The following SLC25A48 variants were observed in gnomAD, a reference collection of about 807,000 sequenced individuals.
The protein encoded by SLC25A48 is solute carrier family 25 member 48.
A neutral mutation model predicts 32.2 loss-of-function variants in SLC25A48; 29 were observed. The observed-to-expected ratio is 0.90, with a 90% CI of 0.67 to 1.23. The LOEUF (loss-of-function observed/expected upper bound fraction) is 1.23. Among genes scored for constraint, SLC25A48 ranks in the 50% most tolerant of loss-of-function variants. The pLI, the probability that SLC25A48 is intolerant of heterozygous loss-of-function variation, is 0.00. For missense variants in SLC25A48, 399 were observed against 422.7 expected (o/e 0.94, Z 0.49); for synonymous variants, 164 against 172.3 (o/e 0.95, Z 0.38).
chr5:135,761,760 G>A (rs562891475), intron 3 of SLC25A48, among the ~76,000 whole-genome samples: 1 of 152,298 alleles, frequency 6.6e-6, no homozygotes, highest in East Asian at 1.9e-4. Flanking sequence ...ACCCTGTGTG[G>A]GCAGTGGAGG....
intron 4 of SLC25A48, among the ~76,000 whole-genome samples, chr5:135,855,517 T>C (rs148479445): frequency 9.4e-4 from 143 of 152,288 alleles, no homozygotes; most frequent in African/African-American, 3.3e-3. Flanking sequence ...AGGTAGTTAC[T>C]CAAGAACACA....
chr5:135,737,006 ATCTC>A (rs1055330899), intron 3 of SLC25A48, among the ~76,000 whole-genome samples: 4 of 152,180 alleles, frequency 2.6e-5, no homozygotes, highest in African/African-American at 9.7e-5. Context: ...TCGTAGGTGG[ATCTC>A]TCTCATGGAG....
intron 1 of SLC25A48, among the ~76,000 whole-genome samples, chr5:135,604,958 A>G (rs980205841): frequency 1.3e-5 from 2 of 152,218 alleles, no homozygotes; most frequent in African/African-American, 4.8e-5. Context: ...TTGTGTGCTT[A>G]TGAAGCACTT....
At chr5:135,586,616 G>A (rs1401269845) in intron 1 of SLC25A48, among the ~76,000 whole-genome samples, 2 of 152,166 alleles carry the variant, frequency 1.3e-5, no homozygotes, top group Non-Finnish European at 2.9e-5. Flanking sequence ...GGGCACAGTG[G>A]GCATTCGTGC....
intron 1 of SLC25A48, among the ~76,000 whole-genome samples, chr5:135,622,966 A>C (rs1480806128): frequency 2.0e-5 from 3 of 152,194 alleles, no homozygotes; most frequent in Admixed American, 2.0e-4. Flanking sequence ...AGGGCTGAAT[A>C]TGCGGGGGCT....
At chr5:135,715,972 G>A (rs982306590) in intron 3 of SLC25A48, among the ~76,000 whole-genome samples, 10 of 152,294 alleles carry the variant, frequency 6.6e-5, no homozygotes, top group African/African-American at 2.4e-4. Context: ...GGAATAAGTA[G>A]GTTCCTGTGA....
chr5:135,728,678 G>C (rs1467935820), intron 3 of SLC25A48, among the ~76,000 whole-genome samples: 1 of 152,050 alleles, frequency 6.6e-6, no homozygotes, highest in Non-Finnish European at 1.5e-5. Context: ...GAGTGAAATT[G>C]CTGGTGCCTT....
In SLC25A48 at chr5:135,640,678, G is replaced by A. The variant is rs149132864; in HGVS notation, c.-521+5722G>A. On this transcript the variant is annotated intron_variant, in intron 3 of 10. Transcript: ENST00000646290. Reference sequence around the variant, plus strand: ...ATTGAAATTTATCTCAGAAATAGAAGCTTGGTTTACCATTTAAAAATTAAT... The same window carrying A: ...ATTGAAATTTATCTCAGAAATAGAAACTTGGTTTACCATTTAAAAATTAAT... 5.7e-3 allele frequency among the ~76,000 whole-genome samples: 862 copies of A among 152,162 alleles called. 5 individuals are homozygous for A. The highest frequency in any genetic ancestry group is 0.016 in the African/African-American group (682 of 41,524).
At chr5:135,848,857 C>T (rs1580981422) in intron 2 of SLC25A48, among the ~76,000 whole-genome samples, 2 of 152,166 alleles carry the variant, frequency 1.3e-5, no homozygotes, top group South Asian at 4.1e-4. Flanking sequence ...GTTTATAAAA[C>T]TATTCAAATG....
intron 3 of SLC25A48, among the ~76,000 whole-genome samples, chr5:135,729,546 A>G (rs766546228): frequency 2.9e-4 from 44 of 152,218 alleles, no homozygotes; most frequent in Non-Finnish European, 4.9e-4. Context: ...AGCCTAAAAA[A>G]GTGGCATCTT....
At chr5:135,820,425 G>T (rs1164042422) in intron 4 of SLC25A48, among the ~76,000 whole-genome samples, 1 of 152,208 alleles carries the variant, frequency 6.6e-6, no homozygotes, top group Non-Finnish European at 1.5e-5. Flanking sequence ...TACCTGAAAA[G>T]AGGCATTTCT....
intron 3 of SLC25A48, among the ~76,000 whole-genome samples, chr5:135,803,546 G>T (rs1295516455): frequency 2.0e-5 from 3 of 151,870 alleles, no homozygotes; most frequent in African/African-American, 7.3e-5. Flanking sequence ...TAATATCACA[G>T]TCAGTGTACA....
chr5:135,611,108 T>C (rs950550675), intron 1 of SLC25A48, among the ~76,000 whole-genome samples: 3 of 152,242 alleles, frequency 2.0e-5, no homozygotes, highest in African/African-American at 7.2e-5. Context: ...AATTATGTTC[T>C]AAATCTGTTT....
intron 3 of SLC25A48, among the ~76,000 whole-genome samples, chr5:135,784,912 A>G (rs903992061): frequency 1.7e-5 from 2 of 119,042 alleles, no homozygotes; most frequent in African/African-American, 5.1e-5. Context: ...ATTACAAGGA[A>G]TGTACACACC....
chr5:135,848,758 T>C (rs1759606865), intron 2 of SLC25A48, among the ~76,000 whole-genome samples: 1 of 152,174 alleles, frequency 6.6e-6, no homozygotes, highest in Non-Finnish European at 1.5e-5. Flanking sequence ...ATTGGTTGAG[T>C]GAGTCAATAA....
intron 3 of SLC25A48, among the ~76,000 whole-genome samples, chr5:135,785,364 A>G (rs1308061987): frequency 6.6e-6 from 1 of 151,274 alleles, no homozygotes; most frequent in Non-Finnish European, 1.5e-5. Flanking sequence ...CGGGAGGTGG[A>G]ACCCTCCCCG....
chr5:135,621,098 A>G (rs1752315813), intron 1 of SLC25A48, among the ~76,000 whole-genome samples: 1 of 152,190 alleles, frequency 6.6e-6, no homozygotes. Context: ...AGTATTTTGA[A>G]TGTATGTGAC....
chr5:135,796,003 A>G (rs1186794586), intron 3 of SLC25A48, among the ~76,000 whole-genome samples: 1 of 51,196 alleles, frequency 2.0e-5, no homozygotes, highest in Non-Finnish European at 5.3e-5. Flanking sequence ...TACTCCCAGT[A>G]TCGCGAGGGG....
intron 3 of SLC25A48, among the ~76,000 whole-genome samples, chr5:135,703,108 T>C (rs2126967831): frequency 6.6e-6 from 1 of 152,320 alleles, no homozygotes; most frequent in Middle Eastern, 3.4e-3. Flanking sequence ...TGGTAATATG[T>C]AATACCGGAC....
Sources: gnomAD v4.1 joint callset for allele counts (sites outside exome capture counted in the v4.1 genomes callset) on GRCh38, gnomAD v4.1.1 for gene constraint, MANE v1.5 for transcripts, NCBI Gene and HGNC (gene_info 2026-07-23, HGNC 2026-07-21) for gene names.